FBXL20: variants seen among roughly 807,000 people sequenced by gnomAD.
FBXL20 encodes the protein F-box and leucine rich repeat protein 20.
FBXL20 carries 11 observed loss-of-function variants against 64.0 expected under a neutral mutation model. That is an observed-to-expected ratio of 0.17 (90% CI 0.11 to 0.28). FBXL20 has a LOEUF of 0.28. FBXL20 is among the 10% of genes least tolerant of loss of function. The pLI is 1.00. For synonymous variants in FBXL20, 184 were observed against 189.0 expected (o/e 0.97, Z 0.22); for missense variants, 303 against 526.2 (o/e 0.58, Z 4.15).
chr17:39,397,050 TTTTG>T (rs1055023337), intron 1 of FBXL20, among the ~76,000 whole-genome samples: 2 of 152,142 alleles, frequency 1.3e-5, no homozygotes, highest in African/African-American at 4.8e-5. Flanking sequence ...TTATTCTGTT[TTTTG>T]TTTGTTTGAG....
intron 8 of FBXL20, among the ~76,000 whole-genome samples, chr17:39,282,041 CA>C (rs980133027): frequency 3.3e-5 from 5 of 152,164 alleles, no homozygotes; most frequent in African/African-American, 7.2e-5. Flanking sequence ...AATTCTCTTT[CA>C]AACAATGGAA....
intron 1 of FBXL20, among the ~76,000 whole-genome samples, chr17:39,366,778 A>G (rs1337836736): frequency 6.6e-6 from 1 of 152,042 alleles, no homozygotes; most frequent in African/African-American, 2.4e-5. Flanking sequence ...CTTTGAATGT[A>G]ACCTCTAGTT....
At position 39,289,176 on chromosome 17, in the gene FBXL20, A is replaced by C. The variant is rs112174207; in HGVS notation, c.399-3603T>G. On this transcript the variant is annotated intron_variant, in intron 6 of 14. Coordinates refer to ENST00000264658, the MANE Select transcript of FBXL20 (RefSeq NM_032875.3). Reference sequence around the variant, plus strand: ...AACGTTCCTGTAATAATAACCCTTCAAATCAGGTAGTATAAGTCCCCAAAC... The same window carrying C: ...AACGTTCCTGTAATAATAACCCTTCCAATCAGGTAGTATAAGTCCCCAAAC... Among the ~76,000 whole-genome samples the C allele has an allele frequency of 2.3e-3, 346 of 152,318 alleles. 2 individuals are homozygous for C. The highest frequency in any genetic ancestry group is 7.8e-3 in the African/African-American group (326 of 41,570).
intron 1 of FBXL20, among the ~76,000 whole-genome samples, chr17:39,398,124 A>C: frequency 6.6e-6 from 1 of 151,104 alleles, no homozygotes; most frequent in East Asian, 1.9e-4. Context: ...TCTACTAAAA[A>C]TACAAAAATT....
In FBXL20 at chr17:39,357,420, A is replaced by G. The variant is rs1294478464; in HGVS notation, c.43-14179T>C. 2.6e-5 allele frequency among the ~76,000 whole-genome samples: 4 copies of G among 152,152 alleles called. No homozygotes were observed. In the East Asian group the frequency reaches 7.7e-4, roughly 29 times the overall value. ...CTATACATATATCTTTATGTCAACA[A>G]TTCACTGTCACTGTTAGGCATGCCT... On this transcript the variant is annotated intron_variant, in intron 1 of 14. Coordinates refer to ENST00000264658, the MANE Select transcript of FBXL20 (RefSeq NM_032875.3).
At chr17:39,267,967 G>A (rs1015384090) in intron 12 of FBXL20, among the ~76,000 whole-genome samples, 4 of 152,024 alleles carry the variant, frequency 2.6e-5, no homozygotes, top group African/African-American at 4.8e-5. Flanking sequence ...GACATATCTC[G>A]CCTTCTTTAT....
intron 6 of FBXL20, among the ~76,000 whole-genome samples, chr17:39,289,998 CAAAAAAAAAAAAAAA>C (rs368530587): frequency 1.2e-4 from 5 of 41,840 alleles, no homozygotes; most frequent in Admixed American, 6.2e-4. Flanking sequence ...GACTCAGTCT[CAAAAAAAAAAAAAAA>C]AAAAAAAAAA....
rs1024606466 is a variant in FBXL20, at chr17:39,253,913, T to C, written c.*7547A>G. 2 of 152,052 alleles carry C rather than the reference T, an allele frequency of 1.3e-5. No homozygotes were observed. Among genetic ancestry groups the C allele is most frequent in the African/African-American group, 4.8e-5 (2 of 41,332 alleles). 9.4% of individuals were successfully genotyped at this position (152,052 alleles called of 1,614,324 possible). Reference sequence around the variant, plus strand: ...TCTAAGACCTTAGGTTTTCATTCTCTAGTGCCATAAAAAAGGAAAAGAAAA... The same window carrying C: ...TCTAAGACCTTAGGTTTTCATTCTCCAGTGCCATAAAAAAGGAAAAGAAAA... On this transcript the variant is annotated 3_prime_UTR_variant, in exon 15 of 15. Coordinates refer to ENST00000264658, the MANE Select transcript of FBXL20 (RefSeq NM_032875.3).
At chr17:39,356,635 C>T (rs1187786174) in intron 1 of FBXL20, among the ~76,000 whole-genome samples, 1 of 151,950 alleles carries the variant, frequency 6.6e-6, no homozygotes, top group Non-Finnish European at 1.5e-5. Context: ...GGATTATAGG[C>T]ATGAGCCCCT....
At chr17:39,317,254 CAG>C (rs1047431704) in intron 2 of FBXL20, among the ~76,000 whole-genome samples, 4 of 152,098 alleles carry the variant, frequency 2.6e-5, no homozygotes, top group African/African-American at 7.2e-5. Context: ...CCCCATGAGA[CAG>C]AGTCTCACTC....
chr17:39,378,580 C>A (rs1220425221), intron 1 of FBXL20, among the ~76,000 whole-genome samples: 1 of 152,056 alleles, frequency 6.6e-6, no homozygotes, highest in African/African-American at 2.4e-5. Context: ...CAATGAGATA[C>A]TACCTGACAC....
In FBXL20 at chr17:39,302,465, C is replaced by T. The variant is rs374272027; in HGVS notation, c.159+1120G>A. Among the ~76,000 whole-genome samples, 122 of 151,658 alleles carry T rather than the reference C, an allele frequency of 8.0e-4. 1 individual carries two copies. The highest frequency in any genetic ancestry group is 2.9e-3 in the African/African-American group (119 of 41,306). On this transcript the variant is annotated intron_variant, in intron 3 of 14. Transcript: ENST00000264658. ...CTTGGCTCACTGCAAGCTCCACCTC[C>T]CGGGTTCACGCCATTCTCCTGCCTC...
chr17:39,394,567 C>CT lies in FBXL20; in HGVS notation c.42+6793dup, dbSNP rs66762447. ...GCTGAGATTACAGAATTTTTCTTTTCTTTTTTTTTTTTTTTAAGACGGAGT... is the reference window on the plus strand; with the variant it reads ...GCTGAGATTACAGAATTTTTCTTTTCTTTTTTTTTTTTTTTTAAGACGGAGT... On this transcript the variant is annotated intron_variant, in intron 1 of 14. Transcript: ENST00000264658. Among the ~76,000 whole-genome samples, 898 of 138,064 alleles carry CT rather than the reference C, an allele frequency of 6.5e-3. 7 individuals are homozygous for CT. Among genetic ancestry groups the CT allele is most frequent in the African/African-American group, 0.016 (609 of 38,034 alleles). The allele number at this position is 138,064 out of a possible 152,430, so 90.6% of individuals were successfully genotyped here. A position where few individuals can be genotyped will look rare whatever the true frequency, so the allele number is the denominator to read the frequency against.
chr17:39,402,031 C>T (rs934393048), upstream of FBXL20: 3 of 718,356 alleles, frequency 4.2e-6, no homozygotes, highest in Non-Finnish European at 5.8e-6. Context: ...TCTCCTCCCT[C>T]CGCGGGCAAA....
At chr17:39,392,669 T>C (rs1401010567) in intron 1 of FBXL20, among the ~76,000 whole-genome samples, 5 of 152,054 alleles carry the variant, frequency 3.3e-5, no homozygotes, top group African/African-American at 1.2e-4. Context: ...AAGCCAAACA[T>C]GAAGTGCCCA....
At chr17:39,390,604 G>A (rs2048124955) in intron 1 of FBXL20, among the ~76,000 whole-genome samples, 1 of 151,848 alleles carries the variant, frequency 6.6e-6, no homozygotes, top group Non-Finnish European at 1.5e-5. Context: ...GCACCCACCT[G>A]TAGTCCCAGC....
chr17:39,269,437 C>T lies in FBXL20; in HGVS notation c.889-566G>A, dbSNP rs569926576. Among the ~76,000 whole-genome samples the T allele has an allele frequency of 1.2e-3, 185 of 152,088 alleles. 1 individual carries two copies. Among genetic ancestry groups the T allele is most frequent in the Non-Finnish European group, 2.3e-3 (153 of 67,992 alleles). Reference sequence around the variant, plus strand: ...CTCGATCTCCTGACCTCGTGATCCGCCCGCCTCGGCCTCCCAAAATGCTGG... The same window carrying T: ...CTCGATCTCCTGACCTCGTGATCCGTCCGCCTCGGCCTCCCAAAATGCTGG... On this transcript the variant is annotated intron_variant, in intron 11 of 14. Coordinates refer to ENST00000264658, the MANE Select transcript of FBXL20 (RefSeq NM_032875.3).
Position 39,258,132 on chromosome 17 carries a change from T to C in FBXL20, c.*3328A>G, listed in dbSNP as rs1349459807. ...CTCTGTTCACTGTTTTTTTCCATTA[T>C]AAAAGGCATATTTTGGAGTGGCTAT... On this transcript the variant is annotated 3_prime_UTR_variant, in exon 15 of 15. Transcript: ENST00000264658. 1 of 152,200 alleles carries C rather than the reference T, an allele frequency of 6.6e-6. No individual in the cohort carries two copies. The highest frequency in any genetic ancestry group is 1.5e-5 in the Non-Finnish European group (1 of 68,040). The allele number at this position is 152,200 out of a possible 1,614,324, so 9.4% of individuals were successfully genotyped here.
At chr17:39,347,677 A>G (rs934014086) in intron 1 of FBXL20, among the ~76,000 whole-genome samples, 1 of 152,182 alleles carries the variant, frequency 6.6e-6, no homozygotes, top group African/African-American at 2.4e-5. Context: ...TTTGCTGTGC[A>G]GAAGCTCTTT....
Sources: allele counts gnomAD v4.1 joint callset (sites outside exome capture counted in the v4.1 genomes callset), GRCh38; gene constraint gnomAD v4.1.1; transcripts MANE v1.5; gene names NCBI Gene and HGNC (gene_info 2026-07-23, HGNC 2026-07-21).